Variants in BICC1 observed in about 807,000 individuals in gnomAD.
BICC1 encodes the protein BicC family RNA binding protein 1, also known as protein bicaudal C homolog 1.
Under a neutral mutation model 111.0 loss-of-function variants are expected in BICC1, and 43 were observed. That is an observed-to-expected ratio of 0.39 (90% CI 0.30 to 0.50). BICC1 has a LOEUF of 0.50. Ranked by LOEUF, BICC1 falls within the 20% of genes least tolerant of loss-of-function variation. The pLI, the probability that BICC1 is intolerant of heterozygous loss-of-function variation, is 0.88. For synonymous variants in BICC1, 467 were observed against 434.4 expected (o/e 1.07, Z -0.93); for missense variants, 1,091 against 1,203.2 (o/e 0.91, Z 1.38).
chr10:58,636,093 CATT>C (rs1837945263), intron 2 of BICC1, among the ~76,000 whole-genome samples: 1 of 152,178 alleles, frequency 6.6e-6, no homozygotes, highest in Non-Finnish European at 1.5e-5. Context: ...GGACCTAACA[CATT>C]GTTCTGTGTA....
intron 3 of BICC1, among the ~76,000 whole-genome samples, chr10:58,734,712 G>T (rs1186746031): frequency 6.6e-6 from 1 of 152,154 alleles, no homozygotes; most frequent in Admixed American, 6.5e-5. Context: ...TTTCATAGAA[G>T]AAGCTGCTTT....
chr10:58,766,617 T>G (rs914375452), intron 3 of BICC1, among the ~76,000 whole-genome samples: 6 of 152,120 alleles, frequency 3.9e-5, no homozygotes, highest in Admixed American at 3.9e-4. Flanking sequence ...CAATCACTCA[T>G]GGACAAGAGT....
chr10:58,794,503 C>T (rs1843289087), intron 9 of BICC1, among the ~76,000 whole-genome samples: 2 of 151,700 alleles, frequency 1.3e-5, no homozygotes, highest in African/African-American at 2.4e-5. Flanking sequence ...ACTGCAGCCT[C>T]GACTTCCTGA....
chr10:58,800,886 G>A lies in BICC1; in HGVS notation c.1859-4G>A, dbSNP rs748808142. 5 of 1,582,174 alleles carry A rather than the reference G, an allele frequency of 3.2e-6. No homozygotes were observed. In the South Asian group the frequency reaches 3.5e-5, roughly 11 times the overall value. On this transcript the variant is annotated splice_polypyrimidine_tract_variant and splice_region_variant and intron_variant, in intron 13 of 20. Transcript: ENST00000373886. The stretch of plus-strand genomic sequence containing the variant: ...TTTCACTTTTTTTTCCTTTTCCTCT[G>A]CAGGTTGTAATGATGCTTTTGTTGA...
At chr10:58,746,204 A>G (rs1225171470) in intron 3 of BICC1, among the ~76,000 whole-genome samples, 1 of 152,138 alleles carries the variant, frequency 6.6e-6, no homozygotes, top group Non-Finnish European at 1.5e-5. Flanking sequence ...TCTTTTTCCT[A>G]CTGAAACTTT....
intron 3 of BICC1, among the ~76,000 whole-genome samples, chr10:58,745,308 A>G (rs1841797521): frequency 6.6e-6 from 1 of 152,104 alleles, no homozygotes; most frequent in South Asian, 2.1e-4. Context: ...ACAAGTTAAT[A>G]ACTTGTCACA....
chr10:58,800,420 G>T, intron 13 of BICC1, 94 bp downstream of exon 13: 1 of 1,200,122 alleles, frequency 8.3e-7, no homozygotes, highest in Non-Finnish European at 1.2e-6. Context: ...AGTTGGTTTT[G>T]CTAAACAGCT....
rs1209838820 is a variant in BICC1 at position 58,649,301 on chromosome 10, T to G, written c.237+28400T>G. On this transcript the variant is annotated intron_variant, in intron 2 of 20. Transcript: ENST00000373886. ...GCCCCAATGCCTATGAAAAGAGACT[T>G]GAAGAGAGAATTGGGGAGAAACTCT... is the stretch of plus-strand genomic sequence containing the variant. 3.9e-5 allele frequency among the ~76,000 whole-genome samples: 6 copies of G among 152,228 alleles called. No homozygotes were observed. The East Asian group carries it at 1.2e-3, about 29-fold the overall frequency.
chr10:58,793,798 A>G (rs1843256708), intron 9 of BICC1, among the ~76,000 whole-genome samples, 183 bp downstream of exon 9: 1 of 152,196 alleles, frequency 6.6e-6, no homozygotes, highest in African/African-American at 2.4e-5. Flanking sequence ...GTCAAAGGAA[A>G]TGCTCATTGG....
intron 3 of BICC1, among the ~76,000 whole-genome samples, chr10:58,745,602 G>A (rs936214216): frequency 1.3e-5 from 1 of 78,696 alleles, no homozygotes; most frequent in Non-Finnish European, 2.3e-5. Context: ...GCCCCCCACC[G>A]CCCCCCCCCC....
intron 1 of BICC1, among the ~76,000 whole-genome samples, chr10:58,530,983 T>A (rs936565974): frequency 6.6e-6 from 1 of 151,750 alleles, no homozygotes; most frequent in Admixed American, 6.6e-5. Flanking sequence ...CCAAGAACCA[T>A]GGTTTTGAAA....
rs528421775 is a variant in BICC1, at chr10:58,785,938, G to A, written c.387+858G>A. Among the ~76,000 whole-genome samples the A allele has an allele frequency of 5.3e-5, 8 of 151,748 alleles. No homozygotes were observed. In the South Asian group the frequency reaches 8.4e-4, roughly 16 times the overall value. Reference sequence around the variant, plus strand: ...TTTCTGTTCTTTGTTGGTTTTCTTCGTTTTTAAAAAAATTACTCCCCTGAT... The same window carrying A: ...TTTCTGTTCTTTGTTGGTTTTCTTCATTTTTAAAAAAATTACTCCCCTGAT... On this transcript the variant is annotated intron_variant, in intron 4 of 20. Coordinates refer to ENST00000373886, the MANE Select transcript of BICC1 (RefSeq NM_001080512.3).
At chr10:58,564,726 A>G (rs1272906789) in intron 1 of BICC1, among the ~76,000 whole-genome samples, 1 of 152,208 alleles carries the variant, frequency 6.6e-6, no homozygotes, top group African/African-American at 2.4e-5. Flanking sequence ...AGAGGCTATG[A>G]AACCCATTTG....
At position 58,592,790 on chromosome 10, in the gene BICC1, T is replaced by C. The variant is rs192652511; in HGVS notation, c.191-28065T>C. On this transcript the variant is annotated intron_variant, in intron 1 of 20. Coordinates refer to ENST00000373886, the MANE Select transcript of BICC1 (RefSeq NM_001080512.3). ...TACTCAGGAGGCTGAAGCAGAAGAATTGCTTGAACCCGGGAGGTGGAGGTT... is the reference window on the plus strand; with the variant it reads ...TACTCAGGAGGCTGAAGCAGAAGAACTGCTTGAACCCGGGAGGTGGAGGTT... Among the ~76,000 whole-genome samples the C allele has an allele frequency of 2.6e-3, 387 of 146,800 alleles. 6 individuals are homozygous for C. The highest frequency in any genetic ancestry group is 9.5e-3 in the African/African-American group (372 of 39,364).
chr10:58,602,103 T>C (rs1845060208), intron 1 of BICC1, among the ~76,000 whole-genome samples: 1 of 152,090 alleles, frequency 6.6e-6, no homozygotes, highest in Non-Finnish European at 1.5e-5. Context: ...TTTCTTGAAT[T>C]TAAGAAGAAA....
At chr10:58,612,252 A>C (rs144515431) in intron 1 of BICC1, among the ~76,000 whole-genome samples, 3 of 152,346 alleles carry the variant, frequency 2.0e-5, no homozygotes, top group South Asian at 4.1e-4. Context: ...AGAGCTTTGC[A>C]TGCCATTCCA....
chr10:58,623,516 T>C (rs1845892155), intron 2 of BICC1, among the ~76,000 whole-genome samples: 2 of 152,176 alleles, frequency 1.3e-5, no homozygotes, highest in African/African-American at 4.8e-5. Flanking sequence ...TAAGATGTTA[T>C]AGCAAAAAAT....
intron 3 of BICC1, among the ~76,000 whole-genome samples, chr10:58,710,344 C>T (rs1236445250): frequency 2.0e-5 from 3 of 152,094 alleles, no homozygotes; most frequent in Non-Finnish European, 2.9e-5. Context: ...CAGGAAGTTC[C>T]ATAATGTATA....
chr10:58,748,494 ACCAGTC>A (rs1242939710), intron 3 of BICC1, among the ~76,000 whole-genome samples: 1 of 151,904 alleles, frequency 6.6e-6, no homozygotes, highest in Non-Finnish European at 1.5e-5. Context: ...AATACCTCAA[ACCAGTC>A]ATTGTTTCTC....
Sources: gnomAD v4.1 joint callset for allele counts (sites outside exome capture counted in the v4.1 genomes callset) on GRCh38, gnomAD v4.1.1 for gene constraint, MANE v1.5 for transcripts, NCBI Gene and HGNC (gene_info 2026-07-23, HGNC 2026-07-21) for gene names.